Variants in PTPRD observed in about 807,000 individuals in gnomAD.
The protein encoded by PTPRD is receptor-type tyrosine-protein phosphatase delta.
PTPRD carries 34 observed loss-of-function variants against 214.5 expected under a neutral mutation model. The observed-to-expected ratio is 0.16, with a 90% confidence interval of 0.12 to 0.21. The LOEUF is 0.21. PTPRD is among the 10% of genes least tolerant of loss of function. The probability of loss-of-function intolerance (pLI) is 1.00; values close to 1 mark genes in which losing one functional copy is unlikely to be tolerated. For missense variants in PTPRD, 2,545 were observed against 2,398.7 expected, an observed-to-expected ratio of 1.06 and a Z score of -1.27; for synonymous variants, 1,128 against 845.7, an observed-to-expected ratio of 1.33 and a Z score of -5.79.
chr9:10,119,651 C>T (rs1359134711), intron 3 of PTPRD, among the ~76,000 whole-genome samples: 2 of 151,850 alleles, frequency 1.3e-5, no homozygotes, highest in East Asian at 3.9e-4. Flanking sequence ...TGTGATAATT[C>T]AAGACCCCCC....
rs761859777 is a variant in PTPRD, at chr9:8,494,007, G to GACACAC, written c.2350-1034_2350-1029dup. ...ACACACAGACACACACAGACACACA[G>GACACAC]ACACACACACACACACACACACACA... is the stretch of plus-strand genomic sequence containing the variant. On this transcript the variant is annotated intron_variant, in intron 26 of 45. Coordinates refer to ENST00000381196, the MANE Select transcript of PTPRD (RefSeq NM_002839.4). Among the ~76,000 whole-genome samples, 33 of 91,620 alleles carry GACACAC rather than the reference G, an allele frequency of 3.6e-4. No individual in the cohort carries two copies. The Middle Eastern group carries it at 0.015, about 42-fold the overall frequency. 60.1% of individuals were successfully genotyped at this position (91,620 alleles called of 152,430 possible). A position where few individuals can be genotyped will look rare whatever the true frequency, so the allele number is the denominator to read the frequency against.
chr9:8,440,218 T>C (rs1564823898), intron 34 of PTPRD, among the ~76,000 whole-genome samples: 2 of 152,092 alleles, frequency 1.3e-5, no homozygotes, highest in African/African-American at 2.4e-5. Context: ...TCAGCTATTA[T>C]TGGCAGCAAA....
intron 8 of PTPRD, among the ~76,000 whole-genome samples, chr9:9,499,318 G>A (rs1246189237): frequency 6.6e-6 from 1 of 152,000 alleles, no homozygotes; most frequent in Non-Finnish European, 1.5e-5. Flanking sequence ...TTCATGGCAG[G>A]GAAAGATCAT....
At chr9:10,316,895 T>C (rs1265035586) in intron 3 of PTPRD, among the ~76,000 whole-genome samples, 2 of 151,908 alleles carry the variant, frequency 1.3e-5, no homozygotes, top group Non-Finnish European at 2.9e-5. Context: ...GTAGGCTGAG[T>C]GTTTTAACTA....
chr9:9,306,512 C>G (rs1051563228), intron 9 of PTPRD, among the ~76,000 whole-genome samples: 1 of 133,606 alleles, frequency 7.5e-6, no homozygotes, highest in African/African-American at 2.9e-5. Flanking sequence ...TGCAGTGAAC[C>G]GAGATCACAC....
intron 2 of PTPRD, among the ~76,000 whole-genome samples, chr9:10,503,200 AAAAAAAAC>A (rs1167486069): frequency 4.9e-5 from 6 of 122,094 alleles, no homozygotes; most frequent in South Asian, 2.3e-4. Flanking sequence ...ATACAAAAAA[AAAAAAAAC>A]AAAAAAAAAC....
intron 35 of PTPRD, among the ~76,000 whole-genome samples, chr9:8,436,282 T>C (rs1179447382): frequency 6.6e-6 from 1 of 152,104 alleles, no homozygotes; most frequent in Non-Finnish European, 1.5e-5. Flanking sequence ...GTGACTATAA[T>C]TAATAATAAT....
chr9:9,999,487 G>A (rs1035980631), intron 4 of PTPRD, among the ~76,000 whole-genome samples: 3 of 152,158 alleles, frequency 2.0e-5, no homozygotes, highest in Admixed American at 6.5e-5. Context: ...TATTTGCAGG[G>A]AGAATTTAAT....
chr9:9,139,742 G>C (rs769802846), intron 10 of PTPRD, among the ~76,000 whole-genome samples: 10 of 152,142 alleles, frequency 6.6e-5, no homozygotes, highest in Non-Finnish European at 1.2e-4. Flanking sequence ...AGTATTTTCA[G>C]ACCATGGTTG....
At chr9:8,598,386 A>T (rs9695025) in intron 14 of PTPRD, among the ~76,000 whole-genome samples, 441 of 152,098 alleles carry the variant, frequency 2.9e-3, no homozygotes, top group Middle Eastern at 0.024. Flanking sequence ...GCTTAAACCC[A>T]GGAGGCAGAG....
intron 3 of PTPRD, among the ~76,000 whole-genome samples, chr9:10,052,246 A>G (rs1387696088): frequency 6.6e-6 from 1 of 152,204 alleles, no homozygotes; most frequent in Non-Finnish European, 1.5e-5. Flanking sequence ...GCCTTTACAA[A>G]TCAATACTGC....
chr9:8,322,369 T>A (rs1030951958), intron 44 of PTPRD, among the ~76,000 whole-genome samples: 2 of 152,174 alleles, frequency 1.3e-5, no homozygotes, highest in African/African-American at 2.4e-5. Context: ...GAATGCAAAG[T>A]TCCTGAAGGA....
chr9:9,823,278 G>C (rs2051432998), intron 5 of PTPRD, among the ~76,000 whole-genome samples: 1 of 151,934 alleles, frequency 6.6e-6, no homozygotes, highest in South Asian at 2.1e-4. Flanking sequence ...AATCATGATG[G>C]AAGGCAAAGG....
chr9:9,018,304 C>T (rs2099544865), intron 11 of PTPRD, among the ~76,000 whole-genome samples: 1 of 152,106 alleles, frequency 6.6e-6, no homozygotes, highest in Admixed American at 6.6e-5. Flanking sequence ...CTAACCTACT[C>T]CATTGATAGG....
intron 3 of PTPRD, among the ~76,000 whole-genome samples, chr9:10,059,105 G>C (rs997561230): frequency 6.6e-6 from 1 of 152,096 alleles, no homozygotes; most frequent in Non-Finnish European, 1.5e-5. Context: ...AACTACTTCA[G>C]TCTCGTCTCC....
chr9:10,523,662 AAGAGAG>A (rs1196761087), intron 2 of PTPRD, among the ~76,000 whole-genome samples: 1 of 115,974 alleles, frequency 8.6e-6, no homozygotes, highest in East Asian at 2.8e-4. Context: ...GAGAGAAATA[AAGAGAG>A]AGAGAGAGAG....
chr9:9,332,871 G>A (rs1371184307), intron 9 of PTPRD, among the ~76,000 whole-genome samples: 1 of 151,914 alleles, frequency 6.6e-6, no homozygotes, highest in Admixed American at 6.6e-5. Context: ...GGATACATGT[G>A]CTATATTTCC....
chr9:9,948,343 G>A (rs1586850953), intron 4 of PTPRD, among the ~76,000 whole-genome samples: 1 of 151,940 alleles, frequency 6.6e-6, no homozygotes, highest in East Asian at 1.9e-4. Context: ...TTCTAGGAAG[G>A]GATGTGTATT....
intron 3 of PTPRD, among the ~76,000 whole-genome samples, chr9:10,320,305 C>T (rs921785838): frequency 1.3e-5 from 2 of 151,964 alleles, no homozygotes; most frequent in African/African-American, 4.8e-5. Flanking sequence ...ATGCCTACAG[C>T]TGAGGGGAAA....
Sources: allele counts gnomAD v4.1 joint callset (sites outside exome capture counted in the v4.1 genomes callset), GRCh38; gene constraint gnomAD v4.1.1; transcripts MANE v1.5; gene names NCBI Gene and HGNC (gene_info 2026-07-23, HGNC 2026-07-21).